DOCK2: variants seen among roughly 807,000 people sequenced by gnomAD.
The protein encoded by DOCK2 is dedicator of cytokinesis protein 2.
DOCK2 carries 87 observed loss-of-function variants against 248.9 expected under a neutral mutation model. That is an observed-to-expected ratio of 0.35 (90% CI 0.29 to 0.42). DOCK2 has a LOEUF of 0.42. Ranked by LOEUF, DOCK2 falls within the 10% of genes least tolerant of loss-of-function variation. The pLI, the probability that DOCK2 is intolerant of heterozygous loss-of-function variation, is 1.00. For missense variants in DOCK2, 1,747 were observed against 2,300.2 expected (o/e 0.76, Z 4.92); for synonymous variants, 805 against 821.6 (o/e 0.98, Z 0.35).
At chr5:170,081,494 T>C (rs773274994) in intron 50 of DOCK2, 19 of 236,446 alleles carry the variant, frequency 8.0e-5, no homozygotes, top group Non-Finnish European at 1.2e-4. Context: ...GGGAGAGAAA[T>C]CCAGGGTGTT....
At chr5:169,816,893 C>T (rs1402667619) in intron 26 of DOCK2, among the ~76,000 whole-genome samples, 1 of 152,126 alleles carries the variant, frequency 6.6e-6, no homozygotes, top group Non-Finnish European at 1.5e-5. Flanking sequence ...ACTATAGTCA[C>T]CCTGTTTTTC....
intron 26 of DOCK2, among the ~76,000 whole-genome samples, chr5:169,815,914 C>T (rs906702073): frequency 2.6e-5 from 4 of 152,162 alleles, no homozygotes; most frequent in African/African-American, 9.7e-5. Flanking sequence ...CGGAAGATTT[C>T]TGTCTGCTGG....
chr5:169,848,555 G>T (rs1020386909), intron 27 of DOCK2, among the ~76,000 whole-genome samples: 1 of 152,182 alleles, frequency 6.6e-6, no homozygotes, highest in African/African-American at 2.4e-5. Flanking sequence ...CCAGTGATGG[G>T]GATGAACAAT....
At chr5:170,069,961 A>C (rs545286844) in intron 46 of DOCK2, among the ~76,000 whole-genome samples, 8 of 142,372 alleles carry the variant, frequency 5.6e-5, no homozygotes, top group Middle Eastern at 3.6e-3. Flanking sequence ...CCCCACCCCC[A>C]CACATCTTAC....
intron 25 of DOCK2, among the ~76,000 whole-genome samples, chr5:169,795,391 T>A (rs1041104047): frequency 6.6e-6 from 1 of 152,150 alleles, no homozygotes; most frequent in Non-Finnish European, 1.5e-5. Flanking sequence ...GAGGGGTTCA[T>A]AAAGTGGAGA....
chr5:169,923,096 A>G (rs2113656858), intron 27 of DOCK2, among the ~76,000 whole-genome samples: 1 of 152,324 alleles, frequency 6.6e-6, no homozygotes, highest in African/African-American at 2.4e-5. Flanking sequence ...TCATGGAACC[A>G]GGATTGTGCC....
At chr5:169,640,264 A>T (rs1345802314) in intron 1 of DOCK2, among the ~76,000 whole-genome samples, 1 of 152,194 alleles carries the variant, frequency 6.6e-6, no homozygotes, top group African/African-American at 2.4e-5. Context: ...CTGGCATGGT[A>T]TTTTGGGACT....
At chr5:169,712,036 C>T in intron 16 of DOCK2, 29 bp downstream of exon 16, 3 of 1,614,046 alleles carry the variant, frequency 1.9e-6, no homozygotes, top group Middle Eastern at 1.7e-4. Flanking sequence ...GGCATCTCTG[C>T]ACCTCCCCCT....
chr5:169,681,537 T>C (rs1428455454), intron 6 of DOCK2, among the ~76,000 whole-genome samples: 1 of 152,134 alleles, frequency 6.6e-6, no homozygotes, highest in Non-Finnish European at 1.5e-5. Context: ...TTTTAAAAAA[T>C]TGAATGCACA....
intron 27 of DOCK2, among the ~76,000 whole-genome samples, chr5:169,950,913 A>G (rs185981481): frequency 6.6e-6 from 1 of 152,322 alleles, no homozygotes; most frequent in Admixed American, 6.5e-5. Flanking sequence ...ACTGGTCTTC[A>G]TGATGTTGGC....
chr5:170,037,231 T>A (rs566863711), intron 36 of DOCK2, among the ~76,000 whole-genome samples: 136 of 152,096 alleles, frequency 8.9e-4, no homozygotes, highest in African/African-American at 3.1e-3. Flanking sequence ...AGGACTTTTT[T>A]ATATTTATAT....
At chr5:169,840,257 A>G (rs1769866478) in intron 26 of DOCK2, among the ~76,000 whole-genome samples, 2 of 152,156 alleles carry the variant, frequency 1.3e-5, no homozygotes, top group African/African-American at 4.8e-5. Flanking sequence ...TTTTAAACAA[A>G]CAGATCTCAT....
At chr5:169,992,776 A>T (rs532054693) in intron 29 of DOCK2, among the ~76,000 whole-genome samples, 65 of 64,364 alleles carry the variant, frequency 1.0e-3, no homozygotes, top group South Asian at 5.5e-3. Context: ...TACTGTTTTT[A>T]AAAAAAAAAC....
At chr5:169,893,774 C>T (rs1773431948) in intron 27 of DOCK2, among the ~76,000 whole-genome samples, 1 of 152,170 alleles carries the variant, frequency 6.6e-6, no homozygotes, top group Admixed American at 6.5e-5. Context: ...ACAGAGTTGG[C>T]ACAGGCCACT....
chr5:169,639,145 T>G (rs1757011049), intron 1 of DOCK2, among the ~76,000 whole-genome samples: 1 of 152,186 alleles, frequency 6.6e-6, no homozygotes. Context: ...GTTAAATAGT[T>G]AATTAGGATA....
At position 169,996,116 on chromosome 5, in the gene DOCK2, A is replaced by T. The variant is rs1232073681; in HGVS notation, c.3024A>T (p.Ala1008=). 10 of 1,613,924 alleles carry T rather than the reference A, an allele frequency of 6.2e-6. No individual in the cohort carries two copies. Among genetic ancestry groups the T allele is most frequent in the Non-Finnish European group, 7.6e-6 (9 of 1,179,904 alleles). The change falls in exon 30 of 52, where the codon GCA becomes GCT. Residue 1008 remains alanine (A), a synonymous_variant. Transcript: ENST00000520908. ...RVFLRAINKF[A]ETMNQKFLEH... ...TCCTGAGAGCTATCAACAAGTTTGC[A>T]GAAACCATGAACCAGAAGTTCCTAG...
At chr5:169,644,619 CTTTTT>C in intron 1 of DOCK2, among the ~76,000 whole-genome samples, 1 of 140,102 alleles carries the variant, frequency 7.1e-6, no homozygotes, top group East Asian at 2.1e-4. Context: ...TACCACGGTA[CTTTTT>C]TTTTTTTTTT....
chr5:169,650,300 T>C (rs1389526833), intron 1 of DOCK2, among the ~76,000 whole-genome samples: 1 of 152,222 alleles, frequency 6.6e-6, no homozygotes, highest in Non-Finnish European at 1.5e-5. Flanking sequence ...TTTACCATTT[T>C]CTTAGGAAAC....
intron 27 of DOCK2, among the ~76,000 whole-genome samples, chr5:169,885,184 T>C (rs17646250): frequency 0.061 from 9,234 of 152,314 alleles, 349 homozygotes; most frequent in Non-Finnish European, 0.086. Flanking sequence ...TTTTTCACAA[T>C]ACAAATTGCA....
Sources: gnomAD v4.1 joint callset for allele counts (sites outside exome capture counted in the v4.1 genomes callset) on GRCh38, gnomAD v4.1.1 for gene constraint, MANE v1.5 for transcripts, NCBI Gene and HGNC (gene_info 2026-07-23, HGNC 2026-07-21) for gene names.